Variants in IFI27L1 observed in about 807,000 individuals in gnomAD.
IFI27L1 encodes the protein interferon alpha inducible protein 27 like 1, also known as interferon alpha-inducible protein 27-like protein 1.
IFI27L1 carries 3 observed loss-of-function variants against 9.2 expected under a neutral mutation model. That is an observed-to-expected ratio of 0.32 (90% confidence interval 0.15 to 0.84). IFI27L1 has a LOEUF of 0.84. Ranked by LOEUF, IFI27L1 falls within the 40% of genes least tolerant of loss-of-function variation. The probability of loss-of-function intolerance (pLI) is 0.56; values close to 1 mark genes in which losing one functional copy is unlikely to be tolerated. For synonymous variants in IFI27L1, 53 were observed against 50.0 expected (o/e 1.06, Z -0.26); for missense variants, 133 against 134.2 (o/e 0.99, Z 0.05).
rs1381362901 is a variant in IFI27L1 at position 94,088,477 on chromosome 14, C to T, written c.-52+7028C>T. Among the ~76,000 whole-genome samples the T allele has an allele frequency of 6.0e-5, 9 of 150,858 alleles. No individual in the cohort carries two copies. The South Asian group carries it at 1.3e-3, about 21-fold the overall frequency. ...TTCCTGGAACATCAGCTTAGACCCT[C>T]CTCCTCCAATCCTGGAACAATCTTT... On this transcript the variant is annotated intron_variant, in intron 1 of 4. Transcript: ENST00000555523.
intron 1 of IFI27L1, among the ~76,000 whole-genome samples, chr14:94,082,258 T>A (rs1333842643): frequency 1.3e-5 from 2 of 152,210 alleles, no homozygotes; most frequent in Non-Finnish European, 2.9e-5. Context: ...TTCTATTCTA[T>A]GATGACTGAG....
intron 4 of IFI27L1, 125 bp downstream of exon 4, chr14:94,102,100 C>A: frequency 2.0e-6 from 2 of 987,228 alleles, no homozygotes; most frequent in South Asian, 1.5e-5. Context: ...GTCTTTCTGT[C>A]ACTGTCCCCT....
chr14:94,100,137 C>T (rs1044487707), intron 2 of IFI27L1: 1 of 283,342 alleles, frequency 3.5e-6, no homozygotes, highest in Non-Finnish European at 5.3e-6. Context: ...TGGGAAATGT[C>T]ATCTGAGTAG....
In IFI27L1 at chr14:94,100,771, G is replaced by A; in HGVS notation, c.61G>A (p.Val21Ile). The A allele has an allele frequency of 6.2e-7, 1 of 1,613,696 alleles. No homozygotes were observed. The highest frequency in any genetic ancestry group is 8.5e-7 in the Non-Finnish European group (1 of 1,179,916). Residue 21 changes from valine to isoleucine, a missense_variant and splice_region_variant, in exon 3 of 5, where the codon GTT becomes ATT. Val to Ile is a conservative substitution (Grantham distance 29). Transcript: ENST00000555523. ...RAAVAAVVGG[V>I]VAVGTVLVAL... The stretch of plus-strand genomic sequence containing the variant: ...TGCTGTAGCAGCTGTGGTCGGAGGA[G>A]GTGAGTCTCTATGGGAAGGAACTCA...
chr14:94,084,375 G>A (rs537780326), intron 1 of IFI27L1, among the ~76,000 whole-genome samples: 9 of 152,246 alleles, frequency 5.9e-5, no homozygotes, highest in African/African-American at 1.4e-4. Context: ...GGTGGCATGC[G>A]CCCTTAGTCC....
intron 2 of IFI27L1, chr14:94,097,351 C>G: frequency 1.9e-6 from 1 of 538,368 alleles, no homozygotes; most frequent in Non-Finnish European, 3.3e-6. Context: ...GGCCTTTCTG[C>G]AAGGTTGTGG....
At chr14:94,098,678 A>C (rs1323580710) in intron 2 of IFI27L1, among the ~76,000 whole-genome samples, 1 of 152,138 alleles carries the variant, frequency 6.6e-6, no homozygotes, top group Non-Finnish European at 1.5e-5. Flanking sequence ...ATGGGCACCA[A>C]GGAGGTCAGT....
intron 1 of IFI27L1, among the ~76,000 whole-genome samples, chr14:94,085,134 G>T (rs1312257194): frequency 2.0e-5 from 3 of 152,192 alleles, no homozygotes; most frequent in Non-Finnish European, 2.9e-5. Flanking sequence ...TTTCCAAAAA[G>T]ACTGAAGGGT....
At chr14:94,098,444 G>A (rs552511337) in intron 2 of IFI27L1, among the ~76,000 whole-genome samples, 98 of 152,188 alleles carry the variant, frequency 6.4e-4, no homozygotes, top group Non-Finnish European at 1.1e-3. Flanking sequence ...TTGGATTAAG[G>A]GCCCACCCTA....
At chr14:94,088,553 G>A (rs1382456988) in intron 1 of IFI27L1, among the ~76,000 whole-genome samples, 3 of 148,928 alleles carry the variant, frequency 2.0e-5, no homozygotes, top group Non-Finnish European at 3.0e-5. Flanking sequence ...AGGTTGGAGT[G>A]CAGTGACACG....
At chr14:94,084,888 G>T (rs375759263) in intron 1 of IFI27L1, among the ~76,000 whole-genome samples, 47 of 151,978 alleles carry the variant, frequency 3.1e-4, no homozygotes, top group Admixed American at 2.8e-3. Flanking sequence ...GGGAAATTGG[G>T]TTTTTTTACA....
chr14:94,093,253 G>T (rs1453361717), intron 1 of IFI27L1, among the ~76,000 whole-genome samples: 5 of 129,936 alleles, frequency 3.8e-5, no homozygotes, highest in Admixed American at 2.4e-4. Context: ...TGCAAGCTCT[G>T]CCTCCTGGGT....
intron 1 of IFI27L1, among the ~76,000 whole-genome samples, chr14:94,092,230 C>G (rs1372097299): frequency 1.3e-5 from 2 of 151,732 alleles, no homozygotes; most frequent in Non-Finnish European, 1.5e-5. Flanking sequence ...TTAATAAAAC[C>G]TGGCCGTGCG....
intron 1 of IFI27L1, among the ~76,000 whole-genome samples, chr14:94,089,556 C>T (rs1886399363): frequency 6.6e-6 from 1 of 152,162 alleles, no homozygotes; most frequent in Non-Finnish European, 1.5e-5. Context: ...GTCTTCTTTA[C>T]TGCATGCTAT....
rs1339630834 is a variant in IFI27L1, at chr14:94,101,934, G to T, written c.182G>T (p.Gly61Val). The change falls in exon 4 of 5, where the codon GGA (glycine) becomes GTA (valine). Residue 61 changes from glycine to valine, a missense_variant. Coordinates refer to ENST00000555523, the MANE Select transcript of IFI27L1 (RefSeq NM_206949.3). The part of the protein sequence containing the change: ...MSTAAIANGG[G>V]VAAGSLVAIL... ...ACAGCAGCCATTGCCAACGGGGGCG[G>T]AGTTGCTGCTGGCAGTCTGGTGGCT... 4.3e-6 allele frequency: 7 copies of T among 1,614,284 alleles called. No individual in the cohort carries two copies. The South Asian group carries it at 7.7e-5, about 18-fold the overall frequency.
intron 1 of IFI27L1, among the ~76,000 whole-genome samples, 196 bp downstream of exon 1, chr14:94,081,645 C>T (rs768244855): frequency 1.7e-4 from 26 of 152,274 alleles, no homozygotes; most frequent in Non-Finnish European, 3.4e-4. Flanking sequence ...ACGAACGCGT[C>T]CATCCTAGGT....
chr14:94,092,956 C>T (rs1362241616), intron 1 of IFI27L1, among the ~76,000 whole-genome samples: 1 of 152,160 alleles, frequency 6.6e-6, no homozygotes, highest in African/African-American at 2.4e-5. Context: ...CCCTGCCTCC[C>T]AAGTAGCTGG....
chr14:94,084,432 G>A (rs1189101954), intron 1 of IFI27L1, among the ~76,000 whole-genome samples: 1 of 152,172 alleles, frequency 6.6e-6, no homozygotes, highest in Non-Finnish European at 1.5e-5. Flanking sequence ...AGCCCAAGAG[G>A]TCAAGGCTGC....
chr14:94,088,499 C>CTT (rs3064010), intron 1 of IFI27L1, among the ~76,000 whole-genome samples: 43,058 of 124,266 alleles, frequency 0.35, 7,521 homozygotes, highest in East Asian at 0.59. Context: ...CTGGAACAAT[C>CTT]TTTTTTTTTT....
Sources: gnomAD v4.1 joint callset for allele counts (sites outside exome capture counted in the v4.1 genomes callset) on GRCh38, gnomAD v4.1.1 for gene constraint, MANE v1.5 for transcripts, NCBI Gene and HGNC (gene_info 2026-07-23, HGNC 2026-07-21) for gene names.